Variants in TNNI3K observed in about 807,000 individuals in gnomAD.
TNNI3K encodes TNNI3 interacting kinase, also known as serine/threonine-protein kinase TNNI3K.
TNNI3K carries 140 observed loss-of-function variants against 114.5 expected under a neutral mutation model. That is an observed-to-expected ratio of 1.22 (90% CI 1.07 to 1.41). TNNI3K has a LOEUF of 1.41. Ranked by LOEUF, TNNI3K falls within the 40% of genes most tolerant of loss-of-function variation. The probability of loss-of-function intolerance (pLI) is 0.00; values close to 1 mark genes in which losing one functional copy is unlikely to be tolerated. For synonymous variants in TNNI3K, 347 were observed against 347.5 expected, an observed-to-expected ratio of 1.00 and a Z score of 0.02; for missense variants, 1,125 against 1,007.6, an observed-to-expected ratio of 1.12 and a Z score of -1.58.
At chr1:74,242,393 A>C (rs1053182612) in intron 2 of TNNI3K, among the ~76,000 whole-genome samples, 1 of 152,138 alleles carries the variant, frequency 6.6e-6, no homozygotes, top group African/African-American at 2.4e-5. Context: ...TGAAAAGTTC[A>C]TCTGAGGCCT....
intron 21 of TNNI3K, 61 bp from the exon 22 acceptor site, chr1:74,489,128 T>C (rs952293209): frequency 2.1e-6 from 3 of 1,458,440 alleles, no homozygotes; most frequent in African/African-American, 1.4e-5. Context: ...AATTTTAACA[T>C]CCAAAGAGAG....
At chr1:74,502,711 C>T (rs950919207) in intron 23 of TNNI3K, among the ~76,000 whole-genome samples, 3 of 152,204 alleles carry the variant, frequency 2.0e-5, no homozygotes, top group African/African-American at 7.2e-5. Flanking sequence ...CCTTCTCACT[C>T]TAACTCTGAT....
At chr1:74,534,359 G>A (rs1646633246) in intron 23 of TNNI3K, among the ~76,000 whole-genome samples, 2 of 152,312 alleles carry the variant, frequency 1.3e-5, no homozygotes, top group South Asian at 4.1e-4. Context: ...CCCATCTGAA[G>A]TCTTCTTTGG....
intron 23 of TNNI3K, among the ~76,000 whole-genome samples, chr1:74,514,232 A>G (rs1481455101): frequency 6.6e-6 from 1 of 152,246 alleles, no homozygotes; most frequent in Non-Finnish European, 1.5e-5. Flanking sequence ...TCTAATAAAT[A>G]CATTCTGACC....
At chr1:74,511,772 T>C (rs1253259415) in intron 23 of TNNI3K, among the ~76,000 whole-genome samples, 1 of 151,766 alleles carries the variant, frequency 6.6e-6, no homozygotes, top group Non-Finnish European at 1.5e-5. Flanking sequence ...CCAAAAGCCA[T>C]CCCGTTTCAC....
chr1:74,500,833 T>A (rs192075561), intron 23 of TNNI3K, among the ~76,000 whole-genome samples: 20 of 152,068 alleles, frequency 1.3e-4, no homozygotes, highest in African/African-American at 4.8e-4. Flanking sequence ...TAAAATTTCA[T>A]CTATGAATCT....
At chr1:74,469,820 G>T in intron 21 of TNNI3K, 1 of 399,714 alleles carries the variant, frequency 2.5e-6, no homozygotes, top group Admixed American at 4.4e-5. Flanking sequence ...GTGGGTGTTT[G>T]TCCTCTTGAA....
Position 74,451,600 on chromosome 1 carries a change from T to TCTTTTCTTTCCTTCCTTCCTTCCTTC in TNNI3K, c.2012-11831_2012-11830insCTTCCTTCCTTCCTTCCTTTTCTTTC, listed in dbSNP as rs1234650074. Among the ~76,000 whole-genome samples the TCTTTTCTTTCCTTCCTTCCTTCCTTC allele has an allele frequency of 2.0e-3, 296 of 151,188 alleles. 1 individual carries two copies. Among genetic ancestry groups the TCTTTTCTTTCCTTCCTTCCTTCCTTC allele is most frequent in the Middle Eastern group, 0.01 (3 of 292 alleles). On this transcript the variant is annotated intron_variant, in intron 20 of 24. Coordinates refer to ENST00000326637, the MANE Select transcript of TNNI3K (RefSeq NM_015978.3). ...AAAGAATTTTCTTCCTTCCTTCCTT[T>TCTTTTCTTTCCTTCCTTCCTTCCTTC]CTTTTCTTTCTTTCCTTCCTTCCTT... is the stretch of plus-strand genomic sequence containing the variant.
rs138064724 is a variant in TNNI3K at position 74,423,014 on chromosome 1, A to G, written c.1773-13066A>G. ...GATCACATAAAGACATCATCATGAA[A>G]TATGCATAGGGTTGAACTGTTTAGT... On this transcript the variant is annotated intron_variant, in intron 17 of 24. Transcript: ENST00000326637. Among the ~76,000 whole-genome samples the G allele has an allele frequency of 2.0e-3, 312 of 152,244 alleles. 3 individuals are homozygous for G. The highest frequency in any genetic ancestry group is 7.4e-3 in the East Asian group (38 of 5,162).
intron 23 of TNNI3K, among the ~76,000 whole-genome samples, chr1:74,517,164 A>G (rs892831016): frequency 2.0e-5 from 3 of 152,170 alleles, no homozygotes; most frequent in African/African-American, 7.2e-5. Flanking sequence ...CACTTTCTAT[A>G]TGCAACATAT....
chr1:74,369,768 A>T lies in TNNI3K; in HGVS notation c.1667+183A>T, dbSNP rs1034509625. ...TAACTGTGTTTCAATGAATAGAAAT[A>T]CTTTATGCTTTCTTAGCAGAAATTC... On this transcript the variant is annotated intron_variant, in intron 16 of 24. Transcript: ENST00000326637. 3 of 640,040 alleles carry T rather than the reference A, an allele frequency of 4.7e-6. No homozygotes were observed. The African/African-American group carries it at 5.7e-5, about 12-fold the overall frequency. 39.6% of individuals were successfully genotyped at this position (640,040 alleles called of 1,614,324 possible).
At chr1:74,449,581 CA>C (rs1056876439) in intron 20 of TNNI3K, among the ~76,000 whole-genome samples, 1 of 151,078 alleles carries the variant, frequency 6.6e-6, no homozygotes, top group South Asian at 2.1e-4. Flanking sequence ...AAATGGAAAA[CA>C]AAAAAAGGCA....
rs188007948 is a variant in TNNI3K at position 74,494,380 on chromosome 1, C to T, written c.2351+2114C>T. 3.4e-4 allele frequency among the ~76,000 whole-genome samples: 52 copies of T among 152,240 alleles called. 1 individual carries two copies. Among genetic ancestry groups the T allele is most frequent in the African/African-American group, 1.1e-3 (45 of 41,548 alleles). ...GCTATGAAGAGATGGGACTCTGATT[C>T]GTGAAGTCTTTAATCTATAAAATGT... On this transcript the variant is annotated intron_variant, in intron 23 of 24. Transcript: ENST00000326637.
intron 17 of TNNI3K, chr1:74,375,971 T>A (rs917405749): frequency 2.5e-5 from 4 of 162,666 alleles, no homozygotes; most frequent in African/African-American, 9.5e-5. Flanking sequence ...TAGTTTGGGG[T>A]CTAGATCTGA....
At chr1:74,526,571 A>G (rs1212115459) in intron 23 of TNNI3K, among the ~76,000 whole-genome samples, 1 of 152,218 alleles carries the variant, frequency 6.6e-6, no homozygotes, top group Non-Finnish European at 1.5e-5. Flanking sequence ...TTAGGTTGCA[A>G]TGAAGGTGAC....
chr1:74,320,632 T>C (rs935853954), intron 5 of TNNI3K, among the ~76,000 whole-genome samples: 4 of 152,216 alleles, frequency 2.6e-5, no homozygotes, highest in African/African-American at 4.8e-5. Context: ...GTTAATGTTG[T>C]CTTTTTTGTT....
At chr1:74,439,760 G>A in intron 20 of TNNI3K, 138 bp downstream of exon 20, 4 of 1,354,344 alleles carry the variant, frequency 3.0e-6, no homozygotes, top group Non-Finnish European at 3.9e-6. Flanking sequence ...ATCTTAAATT[G>A]TTTTAAGGTG....
At chr1:74,292,877 T>C (rs1052486996) in intron 5 of TNNI3K, among the ~76,000 whole-genome samples, 3 of 151,672 alleles carry the variant, frequency 2.0e-5, no homozygotes, top group African/African-American at 7.2e-5. Flanking sequence ...GTTATTGATA[T>C]AAAATTTAAC....
At chr1:74,241,372 T>A (rs952309698) in intron 2 of TNNI3K, among the ~76,000 whole-genome samples, 3 of 152,254 alleles carry the variant, frequency 2.0e-5, no homozygotes, top group African/African-American at 7.2e-5. Flanking sequence ...TCCACAATGG[T>A]TGAACTAGTT....
Sources: gnomAD v4.1 joint callset for allele counts (sites outside exome capture counted in the v4.1 genomes callset) on GRCh38, gnomAD v4.1.1 for gene constraint, MANE v1.5 for transcripts, NCBI Gene and HGNC (gene_info 2026-07-23, HGNC 2026-07-21) for gene names.